DLGAP5: variants seen among roughly 807,000 people sequenced by gnomAD.
The protein encoded by DLGAP5 is disks large-associated protein 5.
Under a neutral mutation model 99.6 loss-of-function variants are expected in DLGAP5, and 90 were observed. The observed-to-expected ratio is 0.90, with a 90% CI of 0.76 to 1.08. DLGAP5 has a LOEUF of 1.08. Among genes scored for constraint, DLGAP5 ranks in the 50% least tolerant of loss-of-function variants. The pLI is 0.00. For missense variants in DLGAP5, 1,036 were observed against 983.5 expected, an observed-to-expected ratio of 1.05 and a Z score of -0.71; for synonymous variants, 311 against 321.3, an observed-to-expected ratio of 0.97 and a Z score of 0.34.
At chr14:55,183,223 G>A (rs1388476485) in intron 3 of DLGAP5, among the ~76,000 whole-genome samples, 1 of 151,894 alleles carries the variant, frequency 6.6e-6, no homozygotes, top group Non-Finnish European at 1.5e-5. Flanking sequence ...AAATCTTTAG[G>A]GCTATGGTAT....
intron 12 of DLGAP5, among the ~76,000 whole-genome samples, chr14:55,167,121 G>T (rs1019788323): frequency 4.0e-5 from 6 of 151,880 alleles, no homozygotes; most frequent in African/African-American, 1.5e-4. Flanking sequence ...TGGCGTGGTG[G>T]TGGGCATCTG....
intron 17 of DLGAP5, 86 bp from the exon 18 acceptor site, chr14:55,150,934 A>G: frequency 3.5e-6 from 3 of 851,030 alleles, no homozygotes; most frequent in South Asian, 3.3e-5. Flanking sequence ...AAAAATATGA[A>G]AAGTTCCACA....
At position 55,158,703 on chromosome 14, in the gene DLGAP5, C is replaced by T; in HGVS notation, c.1692G>A (p.Gln564=). The change falls in exon 14 of 19, where the codon CAG becomes CAA. Residue 564 remains glutamine (Q), a synonymous_variant. Coordinates refer to ENST00000247191, the MANE Select transcript of DLGAP5 (RefSeq NM_014750.5). ...VVSGIASKPK[Q]DDAGRIAARN... is the part of the protein sequence containing the mutation. ...TCGCTGCAATTCTTCCAGCATCATCCTGTTTTGGTTTACTTGCTATACCTG... is the reference window on the plus strand; with the variant it reads ...TCGCTGCAATTCTTCCAGCATCATCTTGTTTTGGTTTACTTGCTATACCTG... The T allele has an allele frequency of 2.5e-6, 4 of 1,614,094 alleles. No homozygotes were observed. The highest frequency in any genetic ancestry group is 2.7e-5 in the African/African-American group (2 of 75,034).
intron 1 of DLGAP5, among the ~76,000 whole-genome samples, chr14:55,190,800 G>A (rs949221718): frequency 3.3e-5 from 5 of 152,158 alleles, no homozygotes; most frequent in Non-Finnish European, 7.3e-5. Context: ...ATAAAGAACT[G>A]TCTTCTACTA....
At chr14:55,159,547 C>A (rs184378013) in intron 13 of DLGAP5, among the ~76,000 whole-genome samples, 1 of 152,218 alleles carries the variant, frequency 6.6e-6, no homozygotes, top group African/African-American at 2.4e-5. Flanking sequence ...CAAAGGGTAT[C>A]GCTCAAAAGG....
chr14:55,172,981 C>CAAAAAAAAAA (rs71291818), intron 10 of DLGAP5, among the ~76,000 whole-genome samples: 4 of 62,102 alleles, frequency 6.4e-5, no homozygotes, highest in African/African-American at 1.2e-4. Context: ...GACTCCGTCT[C>CAAAAAAAAAA]AAAAAAAAAA....
chr14:55,148,839 A>G (rs1881915836), intron 18 of DLGAP5, among the ~76,000 whole-genome samples: 1 of 152,136 alleles, frequency 6.6e-6, no homozygotes, highest in Non-Finnish European at 1.5e-5. Context: ...TATATGTACA[A>G]AAATGTGAAT....
intron 18 of DLGAP5, chr14:55,150,503 A>G (rs1157005729): frequency 3.2e-5 from 6 of 189,794 alleles, no homozygotes; most frequent in Admixed American, 6.3e-5. Flanking sequence ...ACTTTGCCTT[A>G]TATTTTTCTT....
chr14:55,167,744 A>G (rs2140315607), intron 12 of DLGAP5, among the ~76,000 whole-genome samples: 1 of 152,334 alleles, frequency 6.6e-6, no homozygotes, highest in East Asian at 1.9e-4. Context: ...ATAGAAATCC[A>G]GGTTGGAAGT....
At chr14:55,172,703 G>A (rs1405280660) in intron 10 of DLGAP5, among the ~76,000 whole-genome samples, 1 of 152,024 alleles carries the variant, frequency 6.6e-6, no homozygotes, top group Non-Finnish European at 1.5e-5. Context: ...GAGGCAGAGG[G>A]TCGGGCACGG....
chr14:55,159,225 G>C (rs1882327318), intron 13 of DLGAP5, among the ~76,000 whole-genome samples: 1 of 152,182 alleles, frequency 6.6e-6, no homozygotes, highest in African/African-American at 2.4e-5. Context: ...GCAAGTGCTA[G>C]AGAGATGTTT....
intron 1 of DLGAP5, among the ~76,000 whole-genome samples, chr14:55,189,531 T>G (rs1883538919): frequency 6.6e-6 from 1 of 151,710 alleles, no homozygotes; most frequent in Non-Finnish European, 1.5e-5. Flanking sequence ...AAGGGTTTCC[T>G]TACCCATGAT....
At chr14:55,154,417 A>T (rs1208770104) in intron 15 of DLGAP5, among the ~76,000 whole-genome samples, 200 bp downstream of exon 15, 1 of 152,114 alleles carries the variant, frequency 6.6e-6, no homozygotes, top group Non-Finnish European at 1.5e-5. Context: ...AATTTACCCA[A>T]CTAAACGTGA....
intron 15 of DLGAP5, among the ~76,000 whole-genome samples, chr14:55,153,012 C>T (rs1356445212): frequency 6.6e-6 from 1 of 152,168 alleles, no homozygotes; most frequent in Non-Finnish European, 1.5e-5. Context: ...TATTGTCTAG[C>T]TGGAGTTAGC....
intron 17 of DLGAP5, 78 bp downstream of exon 17, chr14:55,151,617 C>T: frequency 7.1e-7 from 1 of 1,415,814 alleles, no homozygotes; most frequent in Non-Finnish European, 9.5e-7. Context: ...TAAAATGGAC[C>T]TTATAGGATA....
rs1881888854 is a variant in DLGAP5 at position 55,148,248 on chromosome 14, C to T, written c.*103G>A. On this transcript the variant is annotated 3_prime_UTR_variant, in exon 19 of 19. Transcript: ENST00000247191. ...ACACAGAATATTAAAACATTATATG[C>T]TATAGAAGTGAACACAAATACATTT... is the stretch of plus-strand genomic sequence containing the variant. 1 of 1,158,326 alleles carries T rather than the reference C, an allele frequency of 8.6e-7. No individual in the cohort carries two copies. Among genetic ancestry groups the T allele is most frequent in the Admixed American group, 2.2e-5 (1 of 45,976 alleles). The allele number at this position is 1,158,326 out of a possible 1,614,324, so 71.8% of individuals were successfully genotyped here. A position where few individuals can be genotyped will look rare whatever the true frequency, so the allele number is the denominator to read the frequency against.
At chr14:55,150,656 T>C (rs1217079332) in intron 18 of DLGAP5, 143 bp downstream of exon 18, 2 of 593,238 alleles carry the variant, frequency 3.4e-6, no homozygotes, top group Non-Finnish European at 5.5e-6. Flanking sequence ...CAAATTTTTC[T>C]TCATTCTGTG....
At chr14:55,182,307 A>C in intron 4 of DLGAP5, 63 bp downstream of exon 4, 1 of 1,350,786 alleles carries the variant, frequency 7.4e-7, no homozygotes, top group Non-Finnish European at 1.0e-6. Context: ...ATTTAAAATG[A>C]ATTTACTTAC....
chr14:55,151,567 T>C, intron 17 of DLGAP5, 128 bp downstream of exon 17: 1 of 1,044,266 alleles, frequency 9.6e-7, no homozygotes, highest in Admixed American at 2.9e-5. Context: ...ATTCAGGGTC[T>C]TCACTAACAA....
Sources: allele counts gnomAD v4.1 joint callset (sites outside exome capture counted in the v4.1 genomes callset), GRCh38; gene constraint gnomAD v4.1.1; transcripts MANE v1.5; gene names NCBI Gene and HGNC (gene_info 2026-07-23, HGNC 2026-07-21).